Variants in RIN2 observed in about 807,000 individuals in gnomAD.
The protein encoded by RIN2 is Ras and Rab interactor 2, also known as RAB5 interacting protein 2.
In RIN2, 36 loss-of-function variants were observed where a neutral mutation model predicts 78.0. The observed-to-expected ratio is 0.46, with a 90% CI of 0.35 to 0.61. RIN2 has a LOEUF of 0.61. RIN2 is among the 20% of genes least tolerant of loss of function. RIN2 has a pLI of 0.00. For synonymous variants in RIN2, 466 were observed against 466.8 expected (o/e 1.00, Z 0.02); for missense variants, 1,087 against 1,159.7 (o/e 0.94, Z 0.91).
intron 3 of RIN2, among the ~76,000 whole-genome samples, chr20:19,891,012 G>A (rs112732267): frequency 2.6e-5 from 4 of 152,190 alleles, no homozygotes; most frequent in Non-Finnish European, 2.9e-5. Context: ...TGAGCAAATT[G>A]CTTGCCAGGA....
intron 4 of RIN2, 192 bp downstream of exon 4, chr20:19,935,391 T>A (rs1310301706): frequency 3.7e-6 from 5 of 1,336,178 alleles, no homozygotes; most frequent in Non-Finnish European, 4.8e-6. Context: ...TTTTAATCAC[T>A]TTGAAGGCAC....
At chr20:19,850,730 C>T (rs369842879) in intron 2 of RIN2, among the ~76,000 whole-genome samples, 4 of 151,948 alleles carry the variant, frequency 2.6e-5, no homozygotes, top group Admixed American at 2.6e-4. Context: ...TTTGGAAGGC[C>T]GAGGCTGGTG....
intron 2 of RIN2, among the ~76,000 whole-genome samples, chr20:19,885,605 A>G (rs1428585973): frequency 3.3e-5 from 5 of 152,030 alleles, no homozygotes; most frequent in Non-Finnish European, 5.9e-5. Flanking sequence ...GGCGGAAGCT[A>G]AAGTGAGCTG....
intron 2 of RIN2, among the ~76,000 whole-genome samples, chr20:19,845,262 C>T (rs1393533581): frequency 3.3e-5 from 5 of 152,138 alleles, no homozygotes; most frequent in African/African-American, 1.2e-4. Context: ...AATGGGATTG[C>T]TGGGTCAAAT....
chr20:19,869,723 C>G (rs6081781), intron 2 of RIN2, among the ~76,000 whole-genome samples: 29,038 of 151,362 alleles, frequency 0.19, 3,117 homozygotes, highest in Middle Eastern at 0.37. Flanking sequence ...CTCCTAGACT[C>G]AAGTGATGCT....
At chr20:19,837,169 A>C (rs867046616) in intron 2 of RIN2, among the ~76,000 whole-genome samples, 11 of 140,204 alleles carry the variant, frequency 7.8e-5, no homozygotes, top group African/African-American at 2.2e-4. Context: ...CGCCCCCCCC[A>C]ACACACACAC....
At chr20:19,792,553 G>A (rs1568756141) in intron 1 of RIN2, among the ~76,000 whole-genome samples, 1 of 152,184 alleles carries the variant, frequency 6.6e-6, no homozygotes, top group Non-Finnish European at 1.5e-5. Context: ...GGAGCAAGGG[G>A]TGCCTGCCAT....
intron 2 of RIN2, among the ~76,000 whole-genome samples, chr20:19,874,401 C>A (rs143864412): frequency 3.3e-5 from 5 of 152,196 alleles, no homozygotes; most frequent in African/African-American, 1.2e-4. Flanking sequence ...TTGGCTAATT[C>A]ACGGTTGGTG....
chr20:19,989,997 C>G lies in RIN2; in HGVS notation c.1763-9C>G, dbSNP rs1323876653. ...ACAATAGTCATAGTAGCTACACTTT[C>G]TTTGGCAGATGTGGTGCTGGAAAAA... is the stretch of plus-strand genomic sequence containing the variant. On this transcript the variant is annotated splice_polypyrimidine_tract_variant and intron_variant, in intron 9 of 12. Transcript: ENST00000255006. 2.0e-6 allele frequency: 3 copies of G among 1,534,446 alleles called. No individual in the cohort carries two copies. In the Admixed American group the frequency reaches 6.5e-5, roughly 33 times the overall value.
intron 3 of RIN2, among the ~76,000 whole-genome samples, chr20:19,906,279 G>A (rs1013612300): frequency 2.0e-5 from 3 of 152,094 alleles, no homozygotes; most frequent in Non-Finnish European, 4.4e-5. Context: ...GCAAGACCTT[G>A]TCTATACTAA....
chr20:19,791,689 T>C (rs1408538863), intron 1 of RIN2, among the ~76,000 whole-genome samples: 2 of 152,254 alleles, frequency 1.3e-5, no homozygotes, highest in South Asian at 2.1e-4. Flanking sequence ...TTATTTTTCA[T>C]AGGAACTTTA....
chr20:19,866,678 G>T (rs1006651207), intron 2 of RIN2, among the ~76,000 whole-genome samples: 3 of 152,124 alleles, frequency 2.0e-5, no homozygotes, highest in Non-Finnish European at 2.9e-5. Flanking sequence ...AGGCGGGAGT[G>T]CAGTGGCATG....
At chr20:19,973,161 A>C (rs558346365) in intron 8 of RIN2, among the ~76,000 whole-genome samples, 144 of 152,360 alleles carry the variant, frequency 9.5e-4, no homozygotes, top group Non-Finnish European at 1.7e-3. Context: ...AAAGATACTT[A>C]AACGTTTTCC....
intron 2 of RIN2, among the ~76,000 whole-genome samples, chr20:19,802,463 A>T (rs1225667072): frequency 1.5e-5 from 2 of 132,006 alleles, no homozygotes; most frequent in Non-Finnish European, 3.0e-5. Context: ...CTCTACAAAA[A>T]GTTTCTTTAA....
At chr20:19,768,922 CTTTTT>C (rs778608472) in intron 1 of RIN2, among the ~76,000 whole-genome samples, 2 of 135,832 alleles carry the variant, frequency 1.5e-5, no homozygotes, top group Admixed American at 7.5e-5. Flanking sequence ...CTTTCTGTTT[CTTTTT>C]TTTTTTTTTT....
intron 3 of RIN2, among the ~76,000 whole-genome samples, chr20:19,931,158 C>T (rs2040424535): frequency 6.6e-6 from 1 of 152,190 alleles, no homozygotes; most frequent in Non-Finnish European, 1.5e-5. Context: ...TCCATTTCTC[C>T]TGTCTAGAGG....
chr20:19,807,509 G>C (rs2035445119), intron 2 of RIN2, among the ~76,000 whole-genome samples: 1 of 151,968 alleles, frequency 6.6e-6, no homozygotes, highest in African/African-American at 2.4e-5. Context: ...TCTCAGACCT[G>C]AGCTGGGAAT....
intron 2 of RIN2, among the ~76,000 whole-genome samples, chr20:19,883,690 C>T (rs1201393778): frequency 2.0e-5 from 3 of 152,042 alleles, no homozygotes; most frequent in Non-Finnish European, 2.9e-5. Context: ...CTGTTGCCCT[C>T]GGGTGGTCAC....
At position 19,908,615 on chromosome 20, in the gene RIN2, T is replaced by C. The variant is rs951877884; in HGVS notation, c.57+18957T>C. ...TTCCCAGCATGCAGGTTAATGAAGA[T>C]TGAGAAAAATTCAAGTAACCCCAAA... On this transcript the variant is annotated intron_variant, in intron 3 of 12. Transcript: ENST00000255006. 4.6e-5 allele frequency among the ~76,000 whole-genome samples: 7 copies of C among 152,088 alleles called. 1 individual carries two copies. Among genetic ancestry groups the C allele is most frequent in the South Asian group, 4.1e-4 (2 of 4,820 alleles).
Sources: gnomAD v4.1 joint callset for allele counts (sites outside exome capture counted in the v4.1 genomes callset) on GRCh38, gnomAD v4.1.1 for gene constraint, MANE v1.5 for transcripts, NCBI Gene and HGNC (gene_info 2026-07-23, HGNC 2026-07-21) for gene names.